RFX4: variants seen among roughly 807,000 people sequenced by gnomAD.
RFX4 encodes the protein transcription factor RFX4.
In RFX4, 10 loss-of-function variants were observed where a neutral mutation model predicts 95.0. That is an observed-to-expected ratio of 0.11 (90% confidence interval 0.06 to 0.18). The LOEUF (loss-of-function observed/expected upper bound fraction) is 0.18, where lower values mean the gene tolerates loss of function less well. Among genes scored for constraint, RFX4 ranks in the 10% least tolerant of loss-of-function variants. RFX4 has a pLI of 1.00. For synonymous variants in RFX4, 321 were observed against 340.7 expected, an observed-to-expected ratio of 0.94 and a Z score of 0.64; for missense variants, 640 against 922.0, an observed-to-expected ratio of 0.69 and a Z score of 3.96.
At chr12:106,732,540 A>T (rs1183415800) in intron 14 of RFX4, among the ~76,000 whole-genome samples, 3 of 151,996 alleles carry the variant, frequency 2.0e-5, no homozygotes, top group Non-Finnish European at 4.4e-5. Flanking sequence ...CTCTACTAAA[A>T]ATACAAAAAA....
chr12:106,696,989 C>T (rs2041892380), intron 8 of RFX4, among the ~76,000 whole-genome samples: 1 of 152,098 alleles, frequency 6.6e-6, no homozygotes, highest in South Asian at 2.1e-4. Flanking sequence ...GCATGGGCCA[C>T]CACACAGGGC....
intron 4 of RFX4, among the ~76,000 whole-genome samples, chr12:106,679,249 G>A (rs2041454840): frequency 6.6e-6 from 1 of 152,210 alleles, no homozygotes; most frequent in Middle Eastern, 3.2e-3. Flanking sequence ...CTTGAGGTCA[G>A]GAGTTCGAGA....
intron 5 of RFX4, chr12:106,682,376 G>A: frequency 2.6e-6 from 1 of 384,580 alleles, no homozygotes; most frequent in Non-Finnish European, 4.8e-6. Flanking sequence ...GGATCACCAG[G>A]TTATCTGGAC....
At chr12:106,708,198 C>T (rs775147138) in intron 8 of RFX4, among the ~76,000 whole-genome samples, 2 of 152,030 alleles carry the variant, frequency 1.3e-5, no homozygotes, top group Admixed American at 6.6e-5. Context: ...GAGAAGGGAC[C>T]GTCGGTAATG....
intron 8 of RFX4, among the ~76,000 whole-genome samples, chr12:106,701,976 C>T (rs12313242): frequency 0.013 from 1,978 of 152,118 alleles, 43 homozygotes; most frequent in African/African-American, 0.045. Flanking sequence ...TGATCCAGGC[C>T]GGATGACAGA....
intron 1 of RFX4, among the ~76,000 whole-genome samples, chr12:106,604,015 T>C (rs1038833196): frequency 6.6e-6 from 1 of 151,796 alleles, no homozygotes; most frequent in African/African-American, 2.4e-5. Context: ...AGGGTCCCAC[T>C]CTCATGAGCT....
chr12:106,645,185 C>A (rs1435288231), intron 3 of RFX4, among the ~76,000 whole-genome samples: 1 of 152,216 alleles, frequency 6.6e-6, no homozygotes, highest in African/African-American at 2.4e-5. Context: ...CAAACACTTT[C>A]CAGCATCCTC....
Position 106,627,138 on chromosome 12 carries a change from C to T in RFX4, c.131-12194C>T, listed in dbSNP as rs150474248. 7.9e-5 allele frequency among the ~76,000 whole-genome samples: 12 copies of T among 152,296 alleles called. No homozygotes were observed. The East Asian group carries it at 2.3e-3, about 29-fold the overall frequency. ...TGTGTTACTGACTGTCCAGTGGGGA[C>T]AGAGGATATCTATAGCAAATGGTAG... On this transcript the variant is annotated intron_variant, in intron 2 of 17. Transcript: ENST00000392842.
At chr12:106,746,399 G>A (rs1415302930) in intron 15 of RFX4, among the ~76,000 whole-genome samples, 1 of 151,422 alleles carries the variant, frequency 6.6e-6, no homozygotes, top group Non-Finnish European at 1.5e-5. Flanking sequence ...GGGCATGGTG[G>A]TACATACCTG....
intron 3 of RFX4, among the ~76,000 whole-genome samples, chr12:106,644,313 A>T (rs1486161831): frequency 7.3e-6 from 1 of 137,660 alleles, no homozygotes; most frequent in African/African-American, 2.8e-5. Context: ...GGCTCACTGC[A>T]ACTTCCACCT....
chr12:106,685,659 G>C (rs2041630465), intron 5 of RFX4, among the ~76,000 whole-genome samples: 1 of 152,192 alleles, frequency 6.6e-6, no homozygotes, highest in South Asian at 2.1e-4. Context: ...ATTCTGATAA[G>C]ATCAAAGTTT....
intron 16 of RFX4, among the ~76,000 whole-genome samples, 192 bp downstream of exon 16, chr12:106,747,791 A>G (rs1456258436): frequency 6.6e-6 from 1 of 151,954 alleles, no homozygotes; most frequent in African/African-American, 2.4e-5. Context: ...AGCCAGGCAT[A>G]GTGGCTTACA....
chr12:106,604,594 T>G (rs2039785799), intron 1 of RFX4, among the ~76,000 whole-genome samples: 1 of 152,080 alleles, frequency 6.6e-6, no homozygotes, highest in African/African-American at 2.4e-5. Flanking sequence ...TGTGGATGTA[T>G]CTACTTATAT....
intron 15 of RFX4, among the ~76,000 whole-genome samples, chr12:106,739,609 TG>T (rs1420355532): frequency 6.6e-6 from 1 of 152,232 alleles, no homozygotes; most frequent in Non-Finnish European, 1.5e-5. Flanking sequence ...ACTTATTAAT[TG>T]TTTTTTTAAA....
chr12:106,587,963 G>A (rs2039486686), intron 1 of RFX4, among the ~76,000 whole-genome samples: 1 of 152,168 alleles, frequency 6.6e-6, no homozygotes, highest in African/African-American at 2.4e-5. Context: ...TATGACTTTA[G>A]GTTAATCTTC....
Position 106,601,129 on chromosome 12 carries a change from C to T in RFX4, c.44-7668C>T. 3 of 1,433,956 alleles carry T rather than the reference C, an allele frequency of 2.1e-6. No individual in the cohort carries two copies. The East Asian group carries it at 7.7e-5, about 37-fold the overall frequency. The allele number at this position is 1,433,956 out of a possible 1,614,324, so 88.8% of individuals were successfully genotyped here. A position where few individuals can be genotyped will look rare whatever the true frequency, so the allele number is the denominator to read the frequency against. ...GAACCCAGCAGCCCCTGGGGCAGGA[C>T]CTGTGGCGTTGCCATGGCAACCCAC... On this transcript the variant is annotated intron_variant, in intron 1 of 17. Transcript: ENST00000392842.
In RFX4 at chr12:106,603,071, G is replaced by A. The variant is rs140051147; in HGVS notation, c.44-5726G>A. Among the ~76,000 whole-genome samples, 74 of 152,230 alleles carry A rather than the reference G, an allele frequency of 4.9e-4. No homozygotes were observed. In the East Asian group the frequency reaches 0.013, roughly 26 times the overall value. The stretch of plus-strand genomic sequence containing the variant: ...TGTTCATCCCCTCTGTTTGAACATC[G>A]AAGGCACTTGATAATTATTGGAAAA... On this transcript the variant is annotated intron_variant, in intron 1 of 17. Transcript: ENST00000392842.
At chr12:106,649,732 T>C (rs1217900174) in intron 3 of RFX4, among the ~76,000 whole-genome samples, 1 of 152,232 alleles carries the variant, frequency 6.6e-6, no homozygotes, top group Non-Finnish European at 1.5e-5. Context: ...TAGAAACTCA[T>C]GCTGTTTAAT....
chr12:106,699,555 A>G (rs933510096), intron 8 of RFX4, among the ~76,000 whole-genome samples: 1 of 152,118 alleles, frequency 6.6e-6, no homozygotes, highest in Non-Finnish European at 1.5e-5. Flanking sequence ...TTTTTGCTTC[A>G]TGTATTTTGA....
Sources: gnomAD v4.1 joint callset for allele counts (sites outside exome capture counted in the v4.1 genomes callset) on GRCh38, gnomAD v4.1.1 for gene constraint, MANE v1.5 for transcripts, NCBI Gene and HGNC (gene_info 2026-07-23, HGNC 2026-07-21) for gene names.